Variants in GATAD2B observed in about 807,000 individuals in gnomAD.
The protein encoded by GATAD2B is transcriptional repressor p66-beta.
In GATAD2B, 8 loss-of-function variants were observed where a neutral mutation model predicts 64.3. The observed-to-expected ratio is 0.12, with a 90% CI of 0.07 to 0.22. GATAD2B has a LOEUF of 0.22. Ranked by LOEUF, GATAD2B falls within the 10% of genes least tolerant of loss-of-function variation. The pLI, the probability that GATAD2B is intolerant of heterozygous loss-of-function variation, is 1.00. For missense variants in GATAD2B, 453 were observed against 752.0 expected, an observed-to-expected ratio of 0.60 and a Z score of 4.65; for synonymous variants, 281 against 271.3, an observed-to-expected ratio of 1.04 and a Z score of -0.35.
chr1:153,852,896 C>A (rs2101912239), intron 1 of GATAD2B: 1 of 780,778 alleles, frequency 1.3e-6, no homozygotes, highest in Non-Finnish European at 2.3e-6. Context: ...AGCGCATGTT[C>A]CAAGCCACTG....
At chr1:153,849,793 G>A (rs1180146705) in intron 1 of GATAD2B, among the ~76,000 whole-genome samples, 1 of 152,022 alleles carries the variant, frequency 6.6e-6, no homozygotes, top group Non-Finnish European at 1.5e-5. Flanking sequence ...ACCTCACCCA[G>A]CTAATGTTTT....
chr1:153,815,081 CAAAAAAAAAAAAAAA>C lies in GATAD2B; in HGVS notation c.1216+1177_1216+1191del, dbSNP rs58874063. Among the ~76,000 whole-genome samples, 38 of 25,384 alleles carry C rather than the reference CAAAAAAAAAAAAAAA, an allele frequency of 1.5e-3. 1 individual carries two copies. Among genetic ancestry groups the C allele is most frequent in the Middle Eastern group, 0.056 (1 of 18 alleles). The allele number at this position is 25,384 out of a possible 152,430, so 16.7% of individuals were successfully genotyped here. On this transcript the variant is annotated intron_variant, in intron 7 of 10. Transcript: ENST00000368655. ...TGGGTGACAGAGTAAGACTCTGTCT[CAAAAAAAAAAAAAAA>C]AAAAAAAAAAAAAAAACCAACAAAG...
chr1:153,851,412 T>C (rs1192729829), intron 1 of GATAD2B, among the ~76,000 whole-genome samples: 2 of 152,194 alleles, frequency 1.3e-5, no homozygotes, highest in Non-Finnish European at 2.9e-5. Context: ...CCACCAACAG[T>C]GTGCAAGGGT....
At chr1:153,844,457 A>G (rs960795939) in intron 1 of GATAD2B, among the ~76,000 whole-genome samples, 23 of 151,904 alleles carry the variant, frequency 1.5e-4, no homozygotes, top group African/African-American at 5.3e-4. Flanking sequence ...GACAAATACA[A>G]TAACTGAATT....
chr1:153,825,376 T>G (rs1250947437), intron 2 of GATAD2B, among the ~76,000 whole-genome samples: 3 of 152,192 alleles, frequency 2.0e-5, no homozygotes, highest in Non-Finnish European at 4.4e-5. Flanking sequence ...CCAGGACCTC[T>G]AGGGAATCTG....
chr1:153,848,251 T>C (rs1475844742), intron 1 of GATAD2B, among the ~76,000 whole-genome samples: 1 of 152,250 alleles, frequency 6.6e-6, no homozygotes, highest in Non-Finnish European at 1.5e-5. Flanking sequence ...CTCTTTCTTC[T>C]GGCTTAAAAC....
At chr1:153,890,141 C>T (rs1334633674) in intron 1 of GATAD2B, among the ~76,000 whole-genome samples, 1 of 145,376 alleles carries the variant, frequency 6.9e-6, no homozygotes, top group Admixed American at 7.0e-5. Context: ...CATTGCACTC[C>T]AGCCTGGGCA....
chr1:153,865,321 C>A (rs1676438009), intron 1 of GATAD2B, among the ~76,000 whole-genome samples: 1 of 151,790 alleles, frequency 6.6e-6, no homozygotes, highest in Non-Finnish European at 1.5e-5. Context: ...ATTTTCTGGA[C>A]GTGGTAGCAC....
intron 2 of GATAD2B, among the ~76,000 whole-genome samples, chr1:153,826,940 TAAAAAAA>T: frequency 7.3e-6 from 1 of 137,418 alleles, no homozygotes; most frequent in African/African-American, 2.7e-5. Context: ...GACCCTATCT[TAAAAAAA>T]AAAAAAAAAA....
intron 1 of GATAD2B, among the ~76,000 whole-genome samples, chr1:153,917,507 G>A (rs1678310678): frequency 6.6e-6 from 1 of 151,546 alleles, no homozygotes; most frequent in African/African-American, 2.4e-5. Context: ...CTATTCTCCT[G>A]CCTCGGCCTC....
chr1:153,913,734 C>A (rs763736888), intron 1 of GATAD2B, among the ~76,000 whole-genome samples: 2 of 151,438 alleles, frequency 1.3e-5, no homozygotes, highest in Admixed American at 6.6e-5. Flanking sequence ...CTGGCTAACA[C>A]GGTAAAACCC....
At chr1:153,879,176 G>A (rs1016221580) in intron 1 of GATAD2B, among the ~76,000 whole-genome samples, 5 of 151,976 alleles carry the variant, frequency 3.3e-5, no homozygotes, top group Admixed American at 6.6e-5. Flanking sequence ...TCCTGACCTC[G>A]TGATCCGCCC....
intron 1 of GATAD2B, among the ~76,000 whole-genome samples, chr1:153,920,463 C>A (rs1296692764): frequency 6.6e-6 from 1 of 152,232 alleles, no homozygotes; most frequent in African/African-American, 2.4e-5. Context: ...ATGCTAAGCA[C>A]AGCAGTAAAA....
intron 1 of GATAD2B, among the ~76,000 whole-genome samples, chr1:153,850,565 G>C (rs1675851226): frequency 6.6e-6 from 1 of 152,118 alleles, no homozygotes. Flanking sequence ...CTCCCAAAAT[G>C]CTGGGATTAC....
rs1465821165 is a variant in GATAD2B at position 153,806,696 on chromosome 1, A to G, written c.*3481T>C. On this transcript the variant is annotated 3_prime_UTR_variant, in exon 11 of 11. Transcript: ENST00000368655. Reference sequence around the variant, plus strand: ...ATATACATGAACGAGTCCTTGTTATAACATCTCGGCAGCAAATATCATAAG... The same window carrying G: ...ATATACATGAACGAGTCCTTGTTATGACATCTCGGCAGCAAATATCATAAG... The G allele has an allele frequency of 2.0e-5, 3 of 151,684 alleles. No homozygotes were observed. Among genetic ancestry groups the G allele is most frequent in the Non-Finnish European group, 4.4e-5 (3 of 67,912 alleles). The allele number at this position is 151,684 out of a possible 1,614,324, so 9.4% of individuals were successfully genotyped here. A position where few individuals can be genotyped will look rare whatever the true frequency, so the allele number is the denominator to read the frequency against.
At chr1:153,916,430 C>T (rs1678269458) in intron 1 of GATAD2B, among the ~76,000 whole-genome samples, 2 of 152,042 alleles carry the variant, frequency 1.3e-5, no homozygotes, top group Admixed American at 1.3e-4. Flanking sequence ...ATAGGTAAGA[C>T]AGAAGTGACA....
chr1:153,863,127 A>G (rs909758893), intron 1 of GATAD2B, among the ~76,000 whole-genome samples: 1 of 152,000 alleles, frequency 6.6e-6, no homozygotes, highest in Non-Finnish European at 1.5e-5. Context: ...CATTTTTACT[A>G]CTCTCTCCTG....
intron 10 of GATAD2B, 72 bp downstream of exon 10, chr1:153,811,658 AG>A (rs1674296686): frequency 3.4e-6 from 3 of 870,448 alleles, no homozygotes; most frequent in Admixed American, 3.9e-5. Context: ...ATTCCCTTAA[AG>A]GGGCTGCTAC....
rs1342597599 is a variant in GATAD2B at position 153,837,376 on chromosome 1, AC to A, written c.-1-9029del. ...ACAAAAAACCCCAAAAACAAAACAA[AC>A]AAAAAAAAAAACACAGTAGAATAGA... On this transcript the variant is annotated intron_variant, in intron 1 of 10. Coordinates refer to ENST00000368655, the MANE Select transcript of GATAD2B (RefSeq NM_020699.4). Among the ~76,000 whole-genome samples, 199 of 70,684 alleles carry A rather than the reference AC, an allele frequency of 2.8e-3. 1 individual carries two copies. Among genetic ancestry groups the A allele is most frequent in the African/African-American group, 6.8e-3 (187 of 27,622 alleles). The allele number at this position is 70,684 out of a possible 152,430, so 46.4% of individuals were successfully genotyped here.
Sources: allele counts gnomAD v4.1 joint callset (sites outside exome capture counted in the v4.1 genomes callset), GRCh38; gene constraint gnomAD v4.1.1; transcripts MANE v1.5; gene names NCBI Gene and HGNC (gene_info 2026-07-23, HGNC 2026-07-21).